Variants in SYNCRIP observed in about 807,000 individuals in gnomAD.
SYNCRIP encodes the protein heterogeneous nuclear ribonucleoprotein Q.
Under a neutral mutation model 68.9 loss-of-function variants are expected in SYNCRIP, and 9 were observed. The ratio of observed to expected loss-of-function variants is 0.13; its 90% CI spans 0.08 to 0.23. The LOEUF (loss-of-function observed/expected upper bound fraction) is 0.23, where lower values mean the gene tolerates loss of function less well. Among genes scored for constraint, SYNCRIP ranks in the 10% least tolerant of loss-of-function variants. The probability of loss-of-function intolerance (pLI) is 1.00; values close to 1 mark genes in which losing one functional copy is unlikely to be tolerated. For missense variants in SYNCRIP, 414 were observed against 770.6 expected, an observed-to-expected ratio of 0.54 and a Z score of 5.48; for synonymous variants, 258 against 254.0, an observed-to-expected ratio of 1.02 and a Z score of -0.15.
intron 8 of SYNCRIP, among the ~76,000 whole-genome samples, 178 bp from the exon 9 acceptor site, chr6:85,619,595 A>G (rs917885596): frequency 1.3e-5 from 2 of 152,204 alleles, no homozygotes; most frequent in Non-Finnish European, 2.9e-5. Flanking sequence ...CTGCTGGATC[A>G]TGTTGAAAGA....
intron 8 of SYNCRIP, among the ~76,000 whole-genome samples, chr6:85,620,393 T>C (rs775170136): frequency 5.3e-5 from 8 of 152,162 alleles, no homozygotes; most frequent in Non-Finnish European, 1.2e-4. Context: ...GAACTTTAAA[T>C]ATGTATTACT....
chr6:85,613,566 A>G (rs1805438841), downstream of SYNCRIP, among the ~76,000 whole-genome samples: 1 of 152,256 alleles, frequency 6.6e-6, no homozygotes. Flanking sequence ...AAACAAGACT[A>G]AAATGTGAAA....
downstream of SYNCRIP, chr6:85,612,943 A>T: frequency 6.5e-7 from 1 of 1,550,380 alleles, no homozygotes; most frequent in Non-Finnish European, 8.7e-7. Flanking sequence ...TAACAAAAGG[A>T]ATCAGTTAGA....
chr6:85,635,967 T>C (rs536434526), intron 6 of SYNCRIP, among the ~76,000 whole-genome samples: 1 of 152,162 alleles, frequency 6.6e-6, no homozygotes, highest in South Asian at 2.1e-4. Context: ...ATAAAGCAAA[T>C]TTAACAAACA....
intron 8 of SYNCRIP, among the ~76,000 whole-genome samples, chr6:85,619,759 T>C (rs151130396): frequency 6.6e-6 from 1 of 152,138 alleles, no homozygotes; most frequent in Non-Finnish European, 1.5e-5. Flanking sequence ...TGCAGAGCAA[T>C]AGAAACTCTC....
intron 6 of SYNCRIP, among the ~76,000 whole-genome samples, chr6:85,628,531 T>G (rs1430318491): frequency 6.6e-6 from 1 of 152,212 alleles, no homozygotes; most frequent in Non-Finnish European, 1.5e-5. Context: ...CAAACTAAAG[T>G]ACCTCCAAGA....
In SYNCRIP at chr6:85,637,318, G is replaced by A. The variant is rs753947784; in HGVS notation, c.414C>T (p.Thr138=). The A allele has an allele frequency of 1.2e-6, 2 of 1,613,842 alleles. No individual in the cohort carries two copies. The highest frequency in any genetic ancestry group is 1.3e-5 in the African/African-American group (1 of 74,912). Reference sequence around the variant, plus strand: ...GTCCTCCATACTTCCTCTGTCCAGTGGTCACATCAAGTGTGTAGCCTGTTC... The same window carrying A: ...GTCCTCCATACTTCCTCTGTCCAGTAGTCACATCAAGTGTGTAGCCTGTTC... ...LERTGYTLDV[T]TGQRKYGGPP... Residue 138 remains threonine (T), a synonymous_variant, in exon 5 of 11, where the codon ACC becomes ACT. Transcript: ENST00000369622.
chr6:85,626,993 C>T (rs560900350), intron 6 of SYNCRIP, among the ~76,000 whole-genome samples: 9 of 152,246 alleles, frequency 5.9e-5, no homozygotes, highest in Admixed American at 3.9e-4. Flanking sequence ...GGGCCAGGCG[C>T]GGTGGCTCAT....
At chr6:85,642,424 A>T (rs1270846408) in intron 1 of SYNCRIP, among the ~76,000 whole-genome samples, 1 of 152,018 alleles carries the variant, frequency 6.6e-6, no homozygotes, top group African/African-American at 2.4e-5. Flanking sequence ...CGCCCGCGGG[A>T]CCGTGAGCAC....
intron 6 of SYNCRIP, among the ~76,000 whole-genome samples, chr6:85,633,335 A>C (rs1808047714): frequency 6.6e-6 from 1 of 151,938 alleles, no homozygotes; most frequent in African/African-American, 2.4e-5. Flanking sequence ...GGTGGCTCAC[A>C]CCTGTACTCC....
intron 6 of SYNCRIP, among the ~76,000 whole-genome samples, chr6:85,632,823 G>A (rs1237983735): frequency 6.6e-6 from 1 of 152,188 alleles, no homozygotes; most frequent in East Asian, 1.9e-4. Flanking sequence ...CATAGTCCTA[G>A]CTGCTGAGGA....
Position 85,623,971 on chromosome 6 carries a change from A to G in SYNCRIP, c.802+6T>C, listed in dbSNP as rs1248539991. On this transcript the variant is annotated splice_donor_region_variant and intron_variant, in intron 7 of 10. Coordinates refer to ENST00000369622, the MANE Select transcript of SYNCRIP (RefSeq NM_006372.5). ...CTGCACCTCATTCCAAATAAATCCA[A>G]CTTACCTGTTACTTTGCTAAATTCT... is the stretch of plus-strand genomic sequence containing the variant. 2 of 1,613,484 alleles carry G rather than the reference A, an allele frequency of 1.2e-6. No homozygotes were observed. Among genetic ancestry groups the G allele is most frequent in the African/African-American group, 1.3e-5 (1 of 74,902 alleles).
At chr6:85,620,006 G>C (rs1806207083) in intron 8 of SYNCRIP, among the ~76,000 whole-genome samples, 1 of 152,150 alleles carries the variant, frequency 6.6e-6, no homozygotes, top group Non-Finnish European at 1.5e-5. Flanking sequence ...CAGCAATTTG[G>C]GAGGCTGAGG....
chr6:85,631,197 G>T (rs1807731117), intron 6 of SYNCRIP, among the ~76,000 whole-genome samples: 1 of 152,100 alleles, frequency 6.6e-6, no homozygotes, highest in Non-Finnish European at 1.5e-5. Flanking sequence ...ACAAAAATCA[G>T]CCAGGCGTGG....
At position 85,631,734 on chromosome 6, in the gene SYNCRIP, GT is replaced by G. The variant is rs1807820253; in HGVS notation, c.666+5232del. The stretch of plus-strand genomic sequence containing the variant: ...GCTACCTGGTGACGTAACTTGTACA[GT>G]TGGCTTAAATTGTTATGTCTAACAA... On this transcript the variant is annotated intron_variant, in intron 6 of 10. Transcript: ENST00000369622. Among the ~76,000 whole-genome samples the G allele has an allele frequency of 3.3e-5, 5 of 152,214 alleles. No homozygotes were observed. In the South Asian group the frequency reaches 1.0e-3, roughly 32 times the overall value.
chr6:85,612,962 CTTAAA>C, downstream of SYNCRIP: 4 of 1,547,298 alleles, frequency 2.6e-6, no homozygotes, highest in Non-Finnish European at 3.5e-6. Flanking sequence ...GATAAATCAT[CTTAAA>C]TTAATAATGT....
intron 8 of SYNCRIP, among the ~76,000 whole-genome samples, chr6:85,620,988 G>A (rs1432804603): frequency 6.6e-6 from 1 of 152,190 alleles, no homozygotes; most frequent in Admixed American, 6.5e-5. Flanking sequence ...AAATCTTAAA[G>A]GGGGAAGGAC....
intron 10 of SYNCRIP, among the ~76,000 whole-genome samples, chr6:85,616,557 C>T (rs915238433): frequency 4.6e-5 from 7 of 152,112 alleles, no homozygotes; most frequent in Non-Finnish European, 1.0e-4. Flanking sequence ...CTCCTAACCT[C>T]GAATGATCCA....
chr6:85,620,117 G>GC (rs1441359975), intron 8 of SYNCRIP, among the ~76,000 whole-genome samples: 1 of 152,132 alleles, frequency 6.6e-6, no homozygotes, highest in African/African-American at 2.4e-5. Context: ...GCGATGGTAC[G>GC]CAACTATGGT....
Sources: gnomAD v4.1 joint callset for allele counts (sites outside exome capture counted in the v4.1 genomes callset) on GRCh38, gnomAD v4.1.1 for gene constraint, MANE v1.5 for transcripts, NCBI Gene and HGNC (gene_info 2026-07-23, HGNC 2026-07-21) for gene names.